DMD: variants seen among roughly 807,000 people sequenced by gnomAD.
DMD encodes mutant dystrophin.
In DMD, 63 loss-of-function variants were observed where a neutral mutation model predicts 330.1. The ratio of observed to expected loss-of-function variants is 0.19; its 90% confidence interval spans 0.16 to 0.24. The LOEUF (loss-of-function observed/expected upper bound fraction) is 0.24, where lower values mean the gene tolerates loss of function less well. Ranked by LOEUF, DMD falls within the 10% of genes least tolerant of loss-of-function variation. DMD has a pLI of 1.00. For missense variants in DMD, 3,344 were observed against 2,684.1 expected (o/e 1.25, Z -5.43); for synonymous variants, 1,223 against 959.8 (o/e 1.27, Z -5.07).
intron 74 of DMD, among the ~76,000 whole-genome samples, chrX:31,168,748 C>T (rs1160182156): frequency 9.0e-6 from 1 of 111,705 alleles, no homozygotes; most frequent in African/African-American, 3.3e-5. Context: ...ACCAAGGGAC[C>T]TGTGACATAA....
chrX:32,981,310 C>G (rs1430667799), intron 2 of DMD, among the ~76,000 whole-genome samples: 1 of 111,950 alleles, frequency 8.9e-6, no homozygotes, highest in Non-Finnish European at 1.9e-5. Flanking sequence ...TCTTTTAACT[C>G]TAGTACCAAG....
rs1040342409 is a variant in DMD at position 32,167,902 on chromosome X, C to T, written c.6438+49014G>A. ...GAGGGAAATTCAAAAATAAATACCA[C>T]TTATGTAGCATTTTTTGGTTGGAAT... On this transcript the variant is annotated intron_variant, in intron 44 of 78. Coordinates refer to ENST00000357033, the MANE Select transcript of DMD (RefSeq NM_004006.3). Among the ~76,000 whole-genome samples the T allele has an allele frequency of 3.6e-5, 4 of 112,513 alleles. No homozygotes were observed. In the East Asian group the frequency reaches 8.4e-4, roughly 24 times the overall value.
intron 47 of DMD, among the ~76,000 whole-genome samples, chrX:31,895,622 T>A (rs2094321356): frequency 9.0e-6 from 1 of 110,844 alleles, no homozygotes; most frequent in Admixed American, 9.6e-5. Flanking sequence ...TTGAAAAGAG[T>A]TTATACAAAG....
chrX:32,982,474 C>A, intron 2 of DMD, among the ~76,000 whole-genome samples: 1 of 111,619 alleles, frequency 9.0e-6, no homozygotes, highest in Non-Finnish European at 1.9e-5. Flanking sequence ...TAAAAATATT[C>A]TTTCTCATGA....
chrX:32,738,981 T>C (rs995006720), intron 7 of DMD, among the ~76,000 whole-genome samples: 3 of 111,519 alleles, frequency 2.7e-5, no homozygotes, highest in East Asian at 2.8e-4. Context: ...ATTAAGAAAA[T>C]GTAACTTCAG....
At chrX:31,383,447 C>T (rs766729363) in intron 60 of DMD, among the ~76,000 whole-genome samples, 1 of 112,036 alleles carries the variant, frequency 8.9e-6, no homozygotes, top group Non-Finnish European at 1.9e-5. Flanking sequence ...AGTATTACTT[C>T]TGTTGCTGCT....
chrX:31,954,850 A>G (rs1175289262), intron 45 of DMD, among the ~76,000 whole-genome samples: 2 of 110,036 alleles, frequency 1.8e-5, no homozygotes, highest in Non-Finnish European at 3.8e-5. Context: ...ATAGAGGTAT[A>G]TTTTACCTCA....
At chrX:32,322,085 T>C (rs760890433) in intron 41 of DMD, among the ~76,000 whole-genome samples, 8 of 110,089 alleles carry the variant, frequency 7.3e-5, no homozygotes, top group East Asian at 2.9e-4. Flanking sequence ...CTGACATTAA[T>C]AGTGAAAAAA....
intron 44 of DMD, among the ~76,000 whole-genome samples, chrX:32,027,167 C>CACACACACACACAT (rs1250895958): frequency 2.9e-4 from 29 of 101,609 alleles, no homozygotes; most frequent in African/African-American, 1.1e-3. Flanking sequence ...CGCACGTGCA[C>CACACACACACACAT]ACACACACAC....
At chrX:31,976,754 G>C (rs2095439102) in intron 44 of DMD, among the ~76,000 whole-genome samples, 1 of 111,666 alleles carries the variant, frequency 9.0e-6, no homozygotes, top group Non-Finnish European at 1.9e-5. Flanking sequence ...TAAGAGAACA[G>C]AATTAAGCTT....
rs74647711 is a variant in DMD at position 33,163,618 on chromosome X, C to CTCTATCTATCTATCTA, written c.31+47648_31+47663dup. ...TATATCTATATATATCTATATCTAT[C>CTCTATCTATCTATCTA]TCTATCTATCTATCTATCTATCTAT... is the stretch of plus-strand genomic sequence containing the variant. On this transcript the variant is annotated intron_variant, in intron 1 of 78. Transcript: ENST00000357033. Among the ~76,000 whole-genome samples the CTCTATCTATCTATCTA allele has an allele frequency of 8.0e-4, 20 of 24,849 alleles. No homozygotes were observed. In the South Asian group the frequency reaches 8.5e-3, roughly 10 times the overall value. The allele number at this position is 24,849 out of a possible 115,157, so 21.6% of individuals were successfully genotyped here.
At chrX:31,492,488 G>C (rs962441721) in intron 57 of DMD, among the ~76,000 whole-genome samples, 2 of 112,025 alleles carry the variant, frequency 1.8e-5, no homozygotes, top group Admixed American at 9.5e-5. Flanking sequence ...TGAGGAAGGA[G>C]AGTGTTTTGT....
At chrX:32,626,209 G>A (rs2058334095) in intron 11 of DMD, among the ~76,000 whole-genome samples, 1 of 111,872 alleles carries the variant, frequency 8.9e-6, no homozygotes, top group Non-Finnish European at 1.9e-5. Context: ...AGTGGCTCAG[G>A]CCTGTAATCC....
intron 17 of DMD, among the ~76,000 whole-genome samples, chrX:32,522,441 C>T (rs1002647063): frequency 8.1e-5 from 9 of 111,768 alleles, no homozygotes; most frequent in Non-Finnish European, 1.5e-4. Flanking sequence ...TTGTAAAGAT[C>T]GCATCAGTGT....
chrX:32,168,784 T>C (rs984069635), intron 44 of DMD, among the ~76,000 whole-genome samples: 2 of 111,690 alleles, frequency 1.8e-5, no homozygotes, highest in Admixed American at 1.9e-4. Flanking sequence ...TGTTTTCTCA[T>C]GCATGAATAT....
intron 45 of DMD, among the ~76,000 whole-genome samples, chrX:31,955,749 A>C (rs2095239908): frequency 8.9e-6 from 1 of 112,209 alleles, no homozygotes; most frequent in African/African-American, 3.2e-5. Flanking sequence ...CACCCACAGT[A>C]GATTTTGGGA....
At chrX:32,333,044 C>T (rs962581246) in intron 41 of DMD, among the ~76,000 whole-genome samples, 3 of 111,634 alleles carry the variant, frequency 2.7e-5, no homozygotes, top group African/African-American at 9.8e-5. Context: ...AACTGAGAAA[C>T]AATACATAGA....
chrX:31,188,443 T>C (rs1217997804), intron 67 of DMD, among the ~76,000 whole-genome samples: 1 of 112,108 alleles, frequency 8.9e-6, no homozygotes, highest in Non-Finnish European at 1.9e-5. Flanking sequence ...GAGATAATCT[T>C]TGTAAGTACC....
rs755913081 is a variant in DMD at position 32,744,039 on chromosome X, A to G, written c.650-44746T>C. On this transcript the variant is annotated intron_variant, in intron 7 of 78. Coordinates refer to ENST00000357033, the MANE Select transcript of DMD (RefSeq NM_004006.3). ...TAGACTATTTACCCTGTCCTCATAA[A>G]CACACAAAATGGATTTAAGGAACAC... 3.6e-5 allele frequency among the ~76,000 whole-genome samples: 4 copies of G among 111,256 alleles called. 1 individual carries two copies. In the East Asian group the frequency reaches 1.1e-3, roughly 32 times the overall value.
Sources: gnomAD v4.1 joint callset for allele counts (sites outside exome capture counted in the v4.1 genomes callset) on GRCh38, gnomAD v4.1.1 for gene constraint, MANE v1.5 for transcripts, NCBI Gene and HGNC (gene_info 2026-07-23, HGNC 2026-07-21) for gene names.